Variants in AP2S1 observed in about 807,000 individuals in gnomAD.
AP2S1 encodes adaptor related protein complex 2 subunit sigma 1.
A neutral mutation model predicts 21.0 loss-of-function variants in AP2S1; 6 were observed. The ratio of observed to expected loss-of-function variants is 0.29; its 90% CI spans 0.16 to 0.56. The LOEUF (loss-of-function observed/expected upper bound fraction) is 0.56. Among genes scored for constraint, AP2S1 ranks in the 20% least tolerant of loss-of-function variants. AP2S1 has a pLI of 0.92. For synonymous variants in AP2S1, 63 were observed against 74.6 expected (o/e 0.84, Z 0.80); for missense variants, 60 against 186.2 (o/e 0.32, Z 3.95).
intron 2 of AP2S1, among the ~76,000 whole-genome samples, chr19:46,842,794 C>T (rs1040388860): frequency 2.6e-5 from 4 of 152,130 alleles, no homozygotes; most frequent in Admixed American, 1.3e-4. Context: ...CCAACCCTGT[C>T]CCCCTCCTGG....
At chr19:46,840,955 T>C (rs898467234) in intron 2 of AP2S1, among the ~76,000 whole-genome samples, 1 of 151,526 alleles carries the variant, frequency 6.6e-6, no homozygotes. Flanking sequence ...CAGGGTTTTT[T>C]TTGTTTTTTG....
intron 1 of AP2S1, among the ~76,000 whole-genome samples, chr19:46,849,826 T>A (rs117750880): frequency 0.025 from 3,841 of 152,182 alleles, 76 homozygotes; most frequent in Non-Finnish European, 0.041. Context: ...ACTCCCAAGC[T>A]TCCTCCCTTC....
At chr19:46,839,325 A>G in intron 3 of AP2S1, 140 bp downstream of exon 3, 2 of 716,922 alleles carry the variant, frequency 2.8e-6, no homozygotes, top group Non-Finnish European at 4.3e-6. Flanking sequence ...AAAGAAAAAG[A>G]AAAAAAAGAA....
At chr19:46,843,014 G>C (rs1397253185) in intron 2 of AP2S1, among the ~76,000 whole-genome samples, 1 of 152,048 alleles carries the variant, frequency 6.6e-6, no homozygotes, top group Admixed American at 6.6e-5. Context: ...ATCTCTGCTG[G>C]GATGTGGACG....
intron 2 of AP2S1, among the ~76,000 whole-genome samples, chr19:46,844,406 G>A (rs559349097): frequency 2.6e-5 from 4 of 152,272 alleles, no homozygotes; most frequent in Admixed American, 2.6e-4. Context: ...GGCTTGAAAT[G>A]TTCCTCTCAG....
At chr19:46,841,114 T>C (rs1042510319) in intron 2 of AP2S1, among the ~76,000 whole-genome samples, 2 of 151,952 alleles carry the variant, frequency 1.3e-5, no homozygotes, top group African/African-American at 4.8e-5. Flanking sequence ...CCACCACGCC[T>C]GGCTAATTTT....
intron 2 of AP2S1, among the ~76,000 whole-genome samples, chr19:46,842,537 G>A (rs1161037900): frequency 6.6e-6 from 1 of 152,148 alleles, no homozygotes; most frequent in Non-Finnish European, 1.5e-5. Flanking sequence ...GAGGCATGGA[G>A]GAACTCAAGA....
At chr19:46,849,675 G>A (rs942462632) in intron 1 of AP2S1, among the ~76,000 whole-genome samples, 9 of 151,894 alleles carry the variant, frequency 5.9e-5, no homozygotes, top group African/African-American at 2.2e-4. Context: ...CGCCTCTGCT[G>A]TCCCCTCTAG....
intron 2 of AP2S1, among the ~76,000 whole-genome samples, chr19:46,841,386 C>G (rs1420496576): frequency 6.6e-6 from 1 of 152,222 alleles, no homozygotes; most frequent in Admixed American, 6.5e-5. Context: ...AGCTACTGCT[C>G]CATCTTTCCA....
At chr19:46,839,434 C>CA in intron 3 of AP2S1, 31 bp downstream of exon 3, 27 of 1,508,124 alleles carry the variant, frequency 1.8e-5, no homozygotes, top group Non-Finnish European at 2.4e-5. Flanking sequence ...GCCCACCCGC[C>CA]TCCCCACCTT....
At position 46,850,833 on chromosome 19, in the gene AP2S1, C is replaced by T. The variant is rs1337743894; in HGVS notation, c.-67G>A. On this transcript the variant is annotated 5_prime_UTR_variant, in exon 1 of 5. Transcript: ENST00000263270. Reference sequence around the variant, plus strand: ...GACTGGGCAGCTCCGGCTCAGGGTGCAGTTGTAGGGCCCAGAGCTAGAGCG... The same window carrying T: ...GACTGGGCAGCTCCGGCTCAGGGTGTAGTTGTAGGGCCCAGAGCTAGAGCG... 2.7e-6 allele frequency: 4 copies of T among 1,468,980 alleles called. No homozygotes were observed. The highest frequency in any genetic ancestry group is 2.8e-6 in the Non-Finnish European group (3 of 1,088,860). 91.0% of individuals were successfully genotyped at this position (1,468,980 alleles called of 1,614,324 possible). A position where few individuals can be genotyped will look rare whatever the true frequency, so the allele number is the denominator to read the frequency against.
chr19:46,850,439 C>G (rs1353816545), intron 1 of AP2S1: 1 of 807,972 alleles, frequency 1.2e-6, no homozygotes, highest in Admixed American at 4.2e-5. Flanking sequence ...CCAATGCCTT[C>G]TCGCTACCCA....
chr19:46,846,441 G>GTTT (rs1229404009), intron 1 of AP2S1, among the ~76,000 whole-genome samples: 64 of 104,672 alleles, frequency 6.1e-4, no homozygotes, highest in Non-Finnish European at 7.9e-4. Flanking sequence ...ATCTCTCTCT[G>GTTT]TTTTTTTTTT....
At position 46,839,432 on chromosome 19, in the gene AP2S1, G is replaced by A. The variant is rs373855052; in HGVS notation, c.267+33C>T. On this transcript the variant is annotated intron_variant, in intron 3 of 4. Transcript: ENST00000263270. ...GGGGCCACTCCAGGGCTGCCCACCC[G>A]CCTCCCCACCTTACATCCCTCTCCC... The A allele has an allele frequency of 8.0e-5, 64 of 798,450 alleles. No individual in the cohort carries two copies. The East Asian group carries it at 1.3e-3, about 16-fold the overall frequency. 49.5% of individuals were successfully genotyped at this position (798,450 alleles called of 1,614,324 possible).
intron 2 of AP2S1, among the ~76,000 whole-genome samples, chr19:46,840,658 G>C (rs990694606): frequency 6.6e-6 from 1 of 151,204 alleles, no homozygotes; most frequent in Admixed American, 6.6e-5. Flanking sequence ...GCAGCTCTAG[G>C]TCTGGGGTGT....
chr19:46,850,240 C>T (rs1324687971), intron 1 of AP2S1: 3 of 1,232,750 alleles, frequency 2.4e-6, no homozygotes, highest in African/African-American at 3.1e-5. Context: ...TGAGATCATC[C>T]CTCTCTCACA....
At position 46,838,215 on chromosome 19, in the gene AP2S1, T is replaced by C. The variant is rs1395533876; in HGVS notation, c.*232A>G. The C allele has an allele frequency of 5.2e-6, 3 of 572,456 alleles. No homozygotes were observed. Among genetic ancestry groups the C allele is most frequent in the Non-Finnish European group, 6.3e-6 (2 of 318,542 alleles). The allele number at this position is 572,456 out of a possible 1,614,324, so 35.5% of individuals were successfully genotyped here. A position where few individuals can be genotyped will look rare whatever the true frequency, so the allele number is the denominator to read the frequency against. On this transcript the variant is annotated 3_prime_UTR_variant, in exon 5 of 5. Transcript: ENST00000263270. The surrounding 1 kb of genome is among the most constrained non-coding windows in gnomAD (Gnocchi z 4.1). ...TGGGGACTCCACGCACAGACGCTTA[T>C]GGCATCACACGACAACGGCACGGTT...
intron 2 of AP2S1, among the ~76,000 whole-genome samples, chr19:46,842,842 C>T (rs898075960): frequency 1.3e-5 from 2 of 152,186 alleles, no homozygotes; most frequent in African/African-American, 4.8e-5. Context: ...TCCTCTCCCT[C>T]ATCTCTCTGC....
At chr19:46,839,360 T>C in intron 3 of AP2S1, 105 bp downstream of exon 3, 1 of 1,151,610 alleles carries the variant, frequency 8.7e-7, no homozygotes, top group Non-Finnish European at 1.3e-6. Context: ...TCCCAGTCAC[T>C]GCAGAGGGAG....
Sources: allele counts gnomAD v4.1 joint callset (sites outside exome capture counted in the v4.1 genomes callset), GRCh38; gene constraint gnomAD v4.1.1; non-coding constraint Gnocchi (gnomAD v3.1); transcripts MANE v1.5; gene names NCBI Gene and HGNC (gene_info 2026-07-23, HGNC 2026-07-21).